The following LAIR2 variants were observed in gnomAD, a reference collection of about 807,000 sequenced individuals.
The protein encoded by LAIR2 is leukocyte-associated immunoglobulin-like receptor 2.
LAIR2 carries 14 observed loss-of-function variants against 14.8 expected under a neutral mutation model. That is an observed-to-expected ratio of 0.95 (90% CI 0.62 to 1.48). LAIR2 has a LOEUF of 1.48. Among genes scored for constraint, LAIR2 ranks in the 40% most tolerant of loss-of-function variants. LAIR2 has a pLI of 0.00. For missense variants in LAIR2, 172 were observed against 180.9 expected, an observed-to-expected ratio of 0.95 and a Z score of 0.28; for synonymous variants, 75 against 74.5, an observed-to-expected ratio of 1.01 and a Z score of -0.03.
At chr19:54,509,865 A>G (rs2085438043) in intron 4 of LAIR2, among the ~76,000 whole-genome samples, 1 of 150,932 alleles carries the variant, frequency 6.6e-6, no homozygotes. Context: ...TGTGACCAGA[A>G]ACTGCCAGGG....
rs755432454 is a variant in LAIR2, at chr19:54,508,140, CT to C, written c.321del (p.Gly108AspfsTer13). Reference protein sequence around the residue: ...GLYRCLYYKPPGWSEHSDFLE... With the variant: ...GLYRCLYYKPXGWSEHSDFLE... The stretch of plus-strand genomic sequence containing the variant: ...TATCGCTGCCTCTATTATAAGCCCC[CT>C]GGATGGTCTGAGCACAGTGACTTCC... On this transcript the variant is annotated frameshift_variant, in exon 3 of 5. Coordinates refer to ENST00000301202, the MANE Select transcript of LAIR2 (RefSeq NM_002288.6). LOFTEE classifies it high-confidence loss of function. 4.3e-4 allele frequency: 696 copies of C among 1,613,910 alleles called. 6 individuals are homozygous for C. The South Asian group carries it at 7.0e-3, about 16-fold the overall frequency.
intron 1 of LAIR2, among the ~76,000 whole-genome samples, chr19:54,503,350 C>A (rs1451153103): frequency 2.0e-5 from 3 of 151,846 alleles, no homozygotes; most frequent in African/African-American, 7.3e-5. Flanking sequence ...CCCAGCTACT[C>A]GGGAGGCTGA....
At chr19:54,506,923 T>C (rs962663423) in intron 2 of LAIR2, among the ~76,000 whole-genome samples, 4 of 152,164 alleles carry the variant, frequency 2.6e-5, no homozygotes, top group Non-Finnish European at 5.9e-5. Flanking sequence ...GGGCAGATTT[T>C]AAATGTTCTC....
intron 2 of LAIR2, among the ~76,000 whole-genome samples, chr19:54,505,888 C>T (rs1339878944): frequency 6.7e-6 from 1 of 149,722 alleles, no homozygotes; most frequent in Non-Finnish European, 1.5e-5. Flanking sequence ...ATGGCTCGGT[C>T]TTGGCTTACT....
At position 54,510,662 on chromosome 19, in the gene LAIR2, T is replaced by C. The variant is rs2123409850; in HGVS notation, c.*93T>C. ...ATGCACAGATGCCTATACATACATATACAAATAAAAAGATACGATTCGCAA... is the reference window on the plus strand; with the variant it reads ...ATGCACAGATGCCTATACATACATACACAAATAAAAAGATACGATTCGCAA... On this transcript the variant is annotated 3_prime_UTR_variant, in exon 5 of 5. Transcript: ENST00000301202. 1 of 1,433,924 alleles carries C rather than the reference T, an allele frequency of 7.0e-7. No individual in the cohort carries two copies. The highest frequency in any genetic ancestry group is 1.4e-5 in the African/African-American group (1 of 71,488). 88.8% of individuals were successfully genotyped at this position (1,433,924 alleles called of 1,614,324 possible). A position where few individuals can be genotyped will look rare whatever the true frequency, so the allele number is the denominator to read the frequency against.
chr19:54,507,311 C>G (rs1475752324), intron 2 of LAIR2, among the ~76,000 whole-genome samples: 1 of 150,666 alleles, frequency 6.6e-6, no homozygotes, highest in Non-Finnish European at 1.5e-5. Flanking sequence ...CCACAGAGAT[C>G]TGCATTAGCA....
intron 2 of LAIR2, among the ~76,000 whole-genome samples, chr19:54,504,646 G>T (rs1398652716): frequency 6.6e-6 from 1 of 152,014 alleles, no homozygotes; most frequent in Non-Finnish European, 1.5e-5. Flanking sequence ...GTCTCACTCT[G>T]TCACCCAGGC....
chr19:54,508,209 C>T, intron 3 of LAIR2, 25 bp downstream of exon 3: 1 of 1,595,300 alleles, frequency 6.3e-7, no homozygotes, highest in Non-Finnish European at 8.5e-7. Context: ...TGGGCCCTGC[C>T]CCAGTCTCAG....
intron 2 of LAIR2, among the ~76,000 whole-genome samples, chr19:54,505,754 T>G (rs1464976567): frequency 1.3e-5 from 2 of 151,754 alleles, no homozygotes; most frequent in African/African-American, 2.4e-5. Flanking sequence ...TCTACATTCC[T>G]CCAGGTTCTT....
intron 2 of LAIR2, among the ~76,000 whole-genome samples, chr19:54,506,574 T>G (rs563841058): frequency 6.6e-6 from 1 of 152,274 alleles, no homozygotes; most frequent in East Asian, 1.9e-4. Flanking sequence ...CCCTGCACAC[T>G]TACCCACAGG....
intron 4 of LAIR2, among the ~76,000 whole-genome samples, chr19:54,510,209 T>C (rs1158608154): frequency 2.9e-3 from 412 of 141,006 alleles, no homozygotes; most frequent in African/African-American, 0.012. Flanking sequence ...TTCTCCTTCC[T>C]TCTCTCTTCT....
chr19:54,504,731 T>C (rs984900263), intron 2 of LAIR2, among the ~76,000 whole-genome samples: 7 of 152,268 alleles, frequency 4.6e-5, no homozygotes, highest in Middle Eastern at 3.4e-3. Flanking sequence ...TGCCTCAGCC[T>C]CTCGAGTAGC....
At chr19:54,503,756 G>A (rs201489622) in intron 2 of LAIR2, 21 bp downstream of exon 2, 155 of 1,613,776 alleles carry the variant, frequency 9.6e-5, no homozygotes, top group Admixed American at 1.3e-4. Flanking sequence ...CCTTCGTCCC[G>A]TCTTCCCAGT....
At chr19:54,510,098 CA>C (rs1267102696) in intron 4 of LAIR2, among the ~76,000 whole-genome samples, 2 of 145,528 alleles carry the variant, frequency 1.4e-5, no homozygotes, top group African/African-American at 5.2e-5. Flanking sequence ...CACAGCGGGA[CA>C]TGCTCCTGAG....
chr19:54,507,269 A>G (rs891391132), intron 2 of LAIR2, among the ~76,000 whole-genome samples: 1 of 102,662 alleles, frequency 9.7e-6, no homozygotes, highest in Non-Finnish European at 2.4e-5. Flanking sequence ...AAGAAAGTAG[A>G]AACTATAGAG....
chr19:54,508,494 C>G (rs1437713178), intron 3 of LAIR2, among the ~76,000 whole-genome samples: 1 of 152,182 alleles, frequency 6.6e-6, no homozygotes, highest in African/African-American at 2.4e-5. Context: ...GATTAGGGGG[C>G]AACCCCCCTA....
rs1377550866 is a variant in LAIR2 at position 54,505,147 on chromosome 19, C to T, written c.70+1412C>T. On this transcript the variant is annotated intron_variant, in intron 2 of 4. Coordinates refer to ENST00000301202, the MANE Select transcript of LAIR2 (RefSeq NM_002288.6). ...GTCTTGGCAGCTGTGAGTAGCGCTG[C>T]GGTCACCCTGGGAGTGCAGGCATCA... 3.3e-5 allele frequency among the ~76,000 whole-genome samples: 5 copies of T among 152,090 alleles called. No individual in the cohort carries two copies. In the East Asian group the frequency reaches 7.7e-4, roughly 23 times the overall value.
rs1284071531 is a variant in LAIR2, at chr19:54,508,057, A to G, written c.237A>G (p.Pro79=). 2 of 1,614,230 alleles carry G rather than the reference A, an allele frequency of 1.2e-6. No individual in the cohort carries two copies. The highest frequency in any genetic ancestry group is 1.7e-6 in the Non-Finnish European group (2 of 1,180,018). Residue 79 remains proline (P), a synonymous_variant, in exon 3 of 5, where the codon CCA becomes CCG. Coordinates refer to ENST00000301202, the MANE Select transcript of LAIR2 (RefSeq NM_002288.6). ...KDSYNVFRLG[P]SESEARFHID... Reference sequence around the variant, plus strand: ...GTTATAATGTGTTTCGACTTGGTCCATCTGAGTCAGAGGCCAGATTCCACA... The same window carrying G: ...GTTATAATGTGTTTCGACTTGGTCCGTCTGAGTCAGAGGCCAGATTCCACA...
chr19:54,503,178 G>A (rs1455972735), intron 1 of LAIR2, among the ~76,000 whole-genome samples: 3 of 152,064 alleles, frequency 2.0e-5, no homozygotes, highest in East Asian at 1.9e-4. Flanking sequence ...GAAGGGCTGG[G>A]GGGCCAGGCG....
Sources: allele counts gnomAD v4.1 joint callset (sites outside exome capture counted in the v4.1 genomes callset), GRCh38; gene constraint gnomAD v4.1.1; transcripts MANE v1.5; gene names NCBI Gene and HGNC (gene_info 2026-07-23, HGNC 2026-07-21).